Variants in RALGAPA2 observed in about 807,000 individuals in gnomAD.
The protein encoded by RALGAPA2 is ral GTPase-activating protein subunit alpha-2.
In RALGAPA2, 139 loss-of-function variants were observed where a neutral mutation model predicts 230.4. The ratio of observed to expected loss-of-function variants is 0.60; its 90% confidence interval spans 0.53 to 0.69. The LOEUF (loss-of-function observed/expected upper bound fraction) is 0.69. Among genes scored for constraint, RALGAPA2 ranks in the 30% least tolerant of loss-of-function variants. The pLI, the probability that RALGAPA2 is intolerant of heterozygous loss-of-function variation, is 0.00. For synonymous variants in RALGAPA2, 847 were observed against 837.8 expected, an observed-to-expected ratio of 1.01 and a Z score of -0.19; for missense variants, 2,163 against 2,276.0, an observed-to-expected ratio of 0.95 and a Z score of 1.01.
At chr20:20,480,296 G>GT (rs1451758467) in intron 36 of RALGAPA2, among the ~76,000 whole-genome samples, 2 of 152,198 alleles carry the variant, frequency 1.3e-5, no homozygotes, top group African/African-American at 4.8e-5. Flanking sequence ...CCAACCTGTG[G>GT]TAAGAAATAC....
At chr20:20,635,262 A>G in intron 9 of RALGAPA2, 156 bp downstream of exon 9, 1 of 744,886 alleles carries the variant, frequency 1.3e-6, no homozygotes, top group East Asian at 2.7e-5. Flanking sequence ...TCCCTCTGAA[A>G]CCTTGGCATT....
At chr20:20,406,591 T>C (rs1364281711) in intron 38 of RALGAPA2, among the ~76,000 whole-genome samples, 1 of 152,158 alleles carries the variant, frequency 6.6e-6, no homozygotes, top group African/African-American at 2.4e-5. Context: ...ATTGAATAGA[T>C]GGTCATATAA....
At chr20:20,527,383 A>C (rs2063237157) in intron 27 of RALGAPA2, among the ~76,000 whole-genome samples, 1 of 152,142 alleles carries the variant, frequency 6.6e-6, no homozygotes, top group African/African-American at 2.4e-5. Flanking sequence ...TTCTCTGGCC[A>C]CAGAGACCTC....
chr20:20,600,784 TAA>T (rs2065616227), intron 16 of RALGAPA2, among the ~76,000 whole-genome samples: 1 of 152,206 alleles, frequency 6.6e-6, no homozygotes, highest in Non-Finnish European at 1.5e-5. Context: ...AGCTTCTTTT[TAA>T]AGAGTTCACT....
intron 23 of RALGAPA2, among the ~76,000 whole-genome samples, chr20:20,550,477 T>C (rs1485348394): frequency 6.6e-6 from 1 of 152,126 alleles, no homozygotes; most frequent in Non-Finnish European, 1.5e-5. Flanking sequence ...AAGAATAACT[T>C]CTCTCAACTC....
intron 36 of RALGAPA2, among the ~76,000 whole-genome samples, chr20:20,478,935 A>G (rs908962904): frequency 2.6e-5 from 4 of 151,534 alleles, no homozygotes; most frequent in African/African-American, 9.7e-5. Context: ...GTGAATCAAG[A>G]AAAAAAAAGC....
intron 36 of RALGAPA2, among the ~76,000 whole-genome samples, chr20:20,488,233 C>T (rs980554497): frequency 6.6e-6 from 1 of 152,204 alleles, no homozygotes; most frequent in African/African-American, 2.4e-5. Context: ...TTCCAAATGA[C>T]TGCTTTCTCC....
intron 36 of RALGAPA2, among the ~76,000 whole-genome samples, chr20:20,481,993 T>C (rs2061787692): frequency 6.6e-6 from 1 of 152,234 alleles, no homozygotes; most frequent in Non-Finnish European, 1.5e-5. Context: ...GTAAAAACCT[T>C]AAGAGAAATG....
intron 38 of RALGAPA2, among the ~76,000 whole-genome samples, chr20:20,407,601 C>G (rs936637864): frequency 2.6e-5 from 4 of 152,058 alleles, no homozygotes; most frequent in African/African-American, 9.7e-5. Flanking sequence ...TGCTTTGGGG[C>G]GAATGTGTAA....
chr20:20,620,497 T>A lies in RALGAPA2; in HGVS notation c.1367A>T (p.Glu456Val). The A allele has an allele frequency of 6.2e-7, 1 of 1,613,982 alleles. No homozygotes were observed. The highest frequency in any genetic ancestry group is 8.5e-7 in the Non-Finnish European group (1 of 1,179,844). Residue 456 changes from glutamate to valine, a missense_variant, in exon 11 of 40, where the codon GAA (glutamate) becomes GTA (valine). By Grantham distance (121) the Glu-to-Val change is moderately radical. Transcript: ENST00000202677. ...DRKDVAQEDA[E>V]KLGFSETDSK... ...ATCAGTCTCGGAAAATCCTAATTTT[T>A]CAGCATCTTCTTGGGCAACATCTTT...
chr20:20,464,031 C>T (rs192203489), intron 37 of RALGAPA2, among the ~76,000 whole-genome samples: 46 of 152,266 alleles, frequency 3.0e-4, no homozygotes, highest in East Asian at 1.2e-3. Context: ...CCTATGGAAA[C>T]GAAACCTCAG....
In RALGAPA2 at chr20:20,521,092, G is replaced by C; in HGVS notation, c.3909C>G (p.His1303Gln). ...PLLDYIYRVL[H>Q]CCVCGSSTYT... ...ACGTGCTTGAGCCACACACACAGCA[G>C]TGCAAAACCTGTGAAAACAGAGGCC... is the stretch of plus-strand genomic sequence containing the variant. Residue 1303 changes from histidine (H) to glutamine (Q), a missense_variant, in exon 31 of 40, where the codon CAC becomes CAG. Physicochemically the swap from His to Gln is conservative, Grantham distance 24. Transcript: ENST00000202677. 6.2e-7 allele frequency: 1 copy of C among 1,604,354 alleles called. No homozygotes were observed. Among genetic ancestry groups the C allele is most frequent in the Non-Finnish European group, 8.5e-7 (1 of 1,172,554 alleles).
At chr20:20,584,799 A>G in intron 19 of RALGAPA2, 66 bp downstream of exon 19, 1 of 1,220,534 alleles carries the variant, frequency 8.2e-7, no homozygotes, top group South Asian at 1.3e-5. Context: ...ATAATAATAA[A>G]ATGTAAAAAG....
chr20:20,546,516 G>A (rs570718165), intron 24 of RALGAPA2, among the ~76,000 whole-genome samples, 188 bp downstream of exon 24: 3 of 152,214 alleles, frequency 2.0e-5, no homozygotes, highest in South Asian at 2.1e-4. Context: ...TTGATGAAAC[G>A]CCTTTCCAAA....
chr20:20,497,043 C>G (rs758731622), intron 35 of RALGAPA2, among the ~76,000 whole-genome samples: 6 of 152,160 alleles, frequency 3.9e-5, no homozygotes, highest in Non-Finnish European at 8.8e-5. Context: ...GGCAAAATTA[C>G]CCAGTACATC....
rs1235730497 is a variant in RALGAPA2 at position 20,584,922 on chromosome 20, A to G, written c.2473T>C (p.Leu825=). Residue 825 remains leucine (L), a synonymous_variant, in exon 19 of 40, where the codon TTG becomes CTG. Coordinates refer to ENST00000202677, the MANE Select transcript of RALGAPA2 (RefSeq NM_020343.4). Reference sequence around the variant, plus strand: ...TGCTGCAAATCATCTTTCAAATCCAATTCAGCAGGGCTGCTGCTTCTTCGA... The same window carrying G: ...TGCTGCAAATCATCTTTCAAATCCAGTTCAGCAGGGCTGCTGCTTCTTCGA... ...LVRRSSSPAE[L]DLKDDLQQTQ... 2 of 1,611,738 alleles carry G rather than the reference A, an allele frequency of 1.2e-6. No homozygotes were observed. Among genetic ancestry groups the G allele is most frequent in the Non-Finnish European group, 1.7e-6 (2 of 1,178,660 alleles).
In RALGAPA2 at chr20:20,536,797, A is replaced by T. The variant is rs1052153051; in HGVS notation, c.3286-13T>A. The T allele has an allele frequency of 5.0e-6, 8 of 1,608,892 alleles. No homozygotes were observed. In the Admixed American group the frequency reaches 1.0e-4, roughly 20 times the overall value. On this transcript the variant is annotated splice_polypyrimidine_tract_variant and intron_variant, in intron 24 of 39. Coordinates refer to ENST00000202677, the MANE Select transcript of RALGAPA2 (RefSeq NM_020343.4). ...CTGAACGAGGCGCCTGCACATAAGG[A>T]AGAGGAGCACACACATTTCTCTTTT...
chr20:20,620,503 T>A lies in RALGAPA2; in HGVS notation c.1361A>T (p.Asp454Val). ...CTCGGAAAATCCTAATTTTTCAGCA[T>A]CTTCTTGGGCAACATCTTTTCTATC... ...EPDRKDVAQEDAEKLGFSETD... is the reference protein window; with the variant it reads ...EPDRKDVAQEVAEKLGFSETD... Residue 454 changes from aspartate (D) to valine (V), a missense_variant, in exon 11 of 40, where the codon GAT (aspartate) becomes GTT (valine). Asp to Val is a radical substitution (Grantham distance 152, BLOSUM62 -3). Transcript: ENST00000202677. 1.9e-6 allele frequency: 3 copies of A among 1,613,960 alleles called. No individual in the cohort carries two copies. Among genetic ancestry groups the A allele is most frequent in the Non-Finnish European group, 2.5e-6 (3 of 1,179,834 alleles).
intron 1 of RALGAPA2, among the ~76,000 whole-genome samples, chr20:20,690,157 C>T (rs1244468892): frequency 6.6e-6 from 1 of 152,162 alleles, no homozygotes; most frequent in East Asian, 1.9e-4. Context: ...TTTCAATCTG[C>T]ACCCACTTTA....
Sources: allele counts gnomAD v4.1 joint callset (sites outside exome capture counted in the v4.1 genomes callset), GRCh38; gene constraint gnomAD v4.1.1; transcripts MANE v1.5; gene names NCBI Gene and HGNC (gene_info 2026-07-23, HGNC 2026-07-21).